Variants in NADK observed in about 807,000 individuals in gnomAD.
The protein encoded by NADK is NAD kinase, also known as poly(P)/ATP NAD kinase.
A neutral mutation model predicts 49.8 loss-of-function variants in NADK; 22 were observed. The observed-to-expected ratio is 0.44, with a 90% CI of 0.32 to 0.63. NADK has a LOEUF of 0.63. NADK is among the 30% of genes least tolerant of loss of function. The pLI, the probability that NADK is intolerant of heterozygous loss-of-function variation, is 0.06. For synonymous variants in NADK, 268 were observed against 253.7 expected, an observed-to-expected ratio of 1.06 and a Z score of -0.54; for missense variants, 438 against 609.4, an observed-to-expected ratio of 0.72 and a Z score of 2.96.
Position 1,756,291 on chromosome 1 carries a change from G to C in NADK, c.552C>G (p.Asp184Glu), listed in dbSNP as rs758157339. ...GCGAGGAAGCGTACAGCAGCGTCCC[G>C]TCTCCCCCCAGGCAGATGATGAAGT... is the stretch of plus-strand genomic sequence containing the variant. ...QIDFIICLGG[D>E]GTLLYASSLF... is the part of the protein sequence containing the mutation. Residue 184 changes from aspartate to glutamate, a missense_variant, in exon 6 of 12, where the codon GAC (aspartate) becomes GAG (glutamate). By Grantham distance (45) the Asp-to-Glu change is conservative. Coordinates refer to ENST00000341426, the MANE Select transcript of NADK (RefSeq NM_023018.5). 6.2e-7 allele frequency: 1 copy of C among 1,614,132 alleles called. No individual in the cohort carries two copies. Among genetic ancestry groups the C allele is most frequent in the Non-Finnish European group, 8.5e-7 (1 of 1,179,990 alleles).
intron 3 of NADK, chr1:1,758,278 G>A: frequency 6.8e-7 from 1 of 1,471,038 alleles, no homozygotes; most frequent in Non-Finnish European, 9.2e-7. Flanking sequence ...AACACCCCCA[G>A]AACCACAACA....
intron 2 of NADK, 106 bp from the exon 3 acceptor site, chr1:1,762,141 A>G: frequency 1.1e-6 from 1 of 919,514 alleles, no homozygotes; most frequent in East Asian, 2.6e-5. Flanking sequence ...ATGCAATTTG[A>G]AAGATGCCAA....
intron 1 of NADK, among the ~76,000 whole-genome samples, chr1:1,775,949 G>T (rs867876973): frequency 1.3e-5 from 2 of 152,152 alleles, no homozygotes; most frequent in South Asian, 2.1e-4. Flanking sequence ...GCTGAAGCTG[G>T]GCGGTGACTG....
chr1:1,759,411 G>C (rs1004728431), intron 3 of NADK, among the ~76,000 whole-genome samples: 2 of 152,334 alleles, frequency 1.3e-5, no homozygotes, highest in Admixed American at 1.3e-4. Context: ...CGCCTGGCCA[G>C]CTCCTACTGA....
rs1386632414 is a variant in NADK at position 1,754,007 on chromosome 1, T to C, written c.1101+44A>G. ...GGTCCCGGCTTTGTGTTGCACGGGG[T>C]CAAATGACTCACAAACCGGAAAAGG... On this transcript the variant is annotated intron_variant, in intron 10 of 11. Coordinates refer to ENST00000341426, the MANE Select transcript of NADK (RefSeq NM_023018.5). The surrounding 1 kb of genome is among the most constrained non-coding windows in gnomAD (Gnocchi z 4.3). 1.3e-6 allele frequency: 2 copies of C among 1,532,098 alleles called. No individual in the cohort carries two copies. Among genetic ancestry groups the C allele is most frequent in the Admixed American group, 4.2e-5 (2 of 47,434 alleles). The allele number at this position is 1,532,098 out of a possible 1,614,324, so 94.9% of individuals were successfully genotyped here.
At chr1:1,757,705 C>T (rs911399287) in intron 3 of NADK, among the ~76,000 whole-genome samples, 3 of 152,164 alleles carry the variant, frequency 2.0e-5, no homozygotes, top group Admixed American at 1.3e-4. Context: ...TTGATGCCCT[C>T]CTCAGGCCCC....
At position 1,754,015 on chromosome 1, in the gene NADK, C is replaced by A; in HGVS notation, c.1101+36G>T. 6.5e-7 allele frequency: 1 copy of A among 1,539,586 alleles called. No homozygotes were observed. Among genetic ancestry groups the A allele is most frequent in the Non-Finnish European group, 8.7e-7 (1 of 1,145,044 alleles). The stretch of plus-strand genomic sequence containing the variant: ...CTTTGTGTTGCACGGGGTCAAATGA[C>A]TCACAAACCGGAAAAGGAGTGTCGT... On this transcript the variant is annotated intron_variant, in intron 10 of 11. Coordinates refer to ENST00000341426, the MANE Select transcript of NADK (RefSeq NM_023018.5). The surrounding 1 kb of genome is among the most constrained non-coding windows in gnomAD (Gnocchi z 4.3).
In NADK at chr1:1,752,743, C is replaced by G; in HGVS notation, c.*161G>C. ...AAAAAAGTCAGACATTTTAAAAAAA[C>G]AGCTGATCTGGACAAAAGGCAGACC... On this transcript the variant is annotated 3_prime_UTR_variant, in exon 12 of 12. Transcript: ENST00000341426. 1 of 792,342 alleles carries G rather than the reference C, an allele frequency of 1.3e-6. No homozygotes were observed. 49.1% of individuals were successfully genotyped at this position (792,342 alleles called of 1,614,324 possible). A position where few individuals can be genotyped will look rare whatever the true frequency, so the allele number is the denominator to read the frequency against.
chr1:1,778,482 C>T (rs1263260545), upstream of NADK: 2 of 148,482 alleles, frequency 1.3e-5, no homozygotes, highest in East Asian at 1.9e-4. The surrounding 1 kb of genome is among the most constrained non-coding windows in gnomAD (Gnocchi z 4.9). Context: ...CGCAGGCGCA[C>T]CCGCCACGCA....
At chr1:1,756,806 C>A (rs1645538657) in intron 4 of NADK, 198 bp from the exon 5 acceptor site, 1 of 991,760 alleles carries the variant, frequency 1.0e-6, no homozygotes, top group Non-Finnish European at 1.6e-6. Context: ...GCGGAGGGGG[C>A]TCCCTCTCAG....
At position 1,752,836 on chromosome 1, in the gene NADK, A is replaced by C. The variant is rs1645367105; in HGVS notation, c.*68T>G. On this transcript the variant is annotated 3_prime_UTR_variant, in exon 12 of 12. Coordinates refer to ENST00000341426, the MANE Select transcript of NADK (RefSeq NM_023018.5). ...GAGACAGGCGGTCACAGACACACGC[A>C]GATTGGTCTGTCCCCAGAGGGCGCT... 2 of 1,538,406 alleles carry C rather than the reference A, an allele frequency of 1.3e-6. No individual in the cohort carries two copies. The highest frequency in any genetic ancestry group is 3.6e-5 in the Admixed American group (2 of 55,824).
chr1:1,761,326 A>G (rs1204270007), intron 3 of NADK, among the ~76,000 whole-genome samples: 7 of 151,976 alleles, frequency 4.6e-5, no homozygotes, highest in African/African-American at 1.7e-4. Flanking sequence ...GGCTTTCACC[A>G]TGTTGCCCGG....
chr1:1,775,814 A>C (rs1162545942), intron 1 of NADK, among the ~76,000 whole-genome samples: 1 of 152,176 alleles, frequency 6.6e-6, no homozygotes, highest in African/African-American at 2.4e-5. Flanking sequence ...CCATGCATGA[A>C]TGCTAGGACC....
intron 1 of NADK, among the ~76,000 whole-genome samples, chr1:1,775,721 T>C (rs1400317381): frequency 6.6e-6 from 1 of 152,156 alleles, no homozygotes; most frequent in Non-Finnish European, 1.5e-5. Flanking sequence ...TCACATCCCA[T>C]CTGCCTCAAT....
At chr1:1,774,887 C>G (rs1646166531) in intron 1 of NADK, among the ~76,000 whole-genome samples, 1 of 152,126 alleles carries the variant, frequency 6.6e-6, no homozygotes, top group African/African-American at 2.4e-5. Context: ...GCGGGCAGAT[C>G]ACGACATCAG....
Position 1,754,217 on chromosome 1 carries a change from G to A in NADK, c.944-9C>T, listed in dbSNP as rs1048796643. On this transcript the variant is annotated splice_polypyrimidine_tract_variant and intron_variant, in intron 9 of 11. Transcript: ENST00000341426. The surrounding 1 kb of genome is among the most constrained non-coding windows in gnomAD (Gnocchi z 4.3). Reference sequence around the variant, plus strand: ...GGTGGACACGATCACTCCTGACAGGGACAGGCGCAGGCGTCACTCCCGCCC... The same window carrying A: ...GGTGGACACGATCACTCCTGACAGGAACAGGCGCAGGCGTCACTCCCGCCC... The A allele has an allele frequency of 2.0e-5, 33 of 1,612,846 alleles. No homozygotes were observed. Among genetic ancestry groups the A allele is most frequent in the Non-Finnish European group, 2.5e-5 (30 of 1,179,876 alleles).
intron 2 of NADK, 101 bp from the exon 3 acceptor site, chr1:1,762,136 A>G: frequency 1.0e-6 from 1 of 969,308 alleles, no homozygotes; most frequent in East Asian, 2.6e-5. Flanking sequence ...CATACATGCA[A>G]TTTGAAAGAT....
chr1:1,756,710 G>T, intron 4 of NADK, 102 bp from the exon 5 acceptor site: 1 of 1,584,460 alleles, frequency 6.3e-7, no homozygotes, highest in East Asian at 2.3e-5. Context: ...CTGGCATCGT[G>T]GCCTGCATGC....
intron 3 of NADK, chr1:1,759,846 G>C: frequency 6.4e-7 from 1 of 1,551,028 alleles, no homozygotes; most frequent in Non-Finnish European, 8.7e-7. Context: ...GCCCTGGCCC[G>C]AGTGACTGAC....
Sources: gnomAD v4.1 joint callset for allele counts (sites outside exome capture counted in the v4.1 genomes callset) on GRCh38, gnomAD v4.1.1 for gene constraint, Gnocchi (gnomAD v3.1) non-coding constraint, MANE v1.5 for transcripts, NCBI Gene and HGNC (gene_info 2026-07-23, HGNC 2026-07-21) for gene names.